ERMP1: variants seen among roughly 807,000 people sequenced by gnomAD.
The protein encoded by ERMP1 is Felix-ina.
In ERMP1, 86 loss-of-function variants were observed where a neutral mutation model predicts 92.0. The observed-to-expected ratio is 0.93, with a 90% confidence interval of 0.79 to 1.12. The LOEUF is 1.12. ERMP1 is among the 50% of genes most tolerant of loss of function. The pLI is 0.00. For synonymous variants in ERMP1, 530 were observed against 412.8 expected, an observed-to-expected ratio of 1.28 and a Z score of -3.44; for missense variants, 1,342 against 1,116.3, an observed-to-expected ratio of 1.20 and a Z score of -2.88.
chr9:5,822,235 G>C (rs1023152831), intron 4 of ERMP1, among the ~76,000 whole-genome samples: 7 of 152,248 alleles, frequency 4.6e-5, no homozygotes, highest in Admixed American at 6.5e-5. Flanking sequence ...CTGGGCAACG[G>C]AGTGAGACCC....
In ERMP1 at chr9:5,785,330, T is replaced by A. The variant is rs1043811664; in HGVS notation, c.*1814A>T. ...CGGGGATAGAAAATAGGCCCATTTTTAAAATTCATTGAGAAATTATTACTT... is the reference window on the plus strand; with the variant it reads ...CGGGGATAGAAAATAGGCCCATTTTAAAAATTCATTGAGAAATTATTACTT... On this transcript the variant is annotated 3_prime_UTR_variant, in exon 15 of 15. Transcript: ENST00000339450. 3 of 152,240 alleles carry A rather than the reference T, an allele frequency of 2.0e-5. No individual in the cohort carries two copies. Among genetic ancestry groups the A allele is most frequent in the South Asian group, 2.1e-4 (1 of 4,834 alleles). The allele number at this position is 152,240 out of a possible 1,614,324, so 9.4% of individuals were successfully genotyped here.
At chr9:5,787,888 A>G (rs974803561) in intron 13 of ERMP1, among the ~76,000 whole-genome samples, 2 of 152,210 alleles carry the variant, frequency 1.3e-5, no homozygotes, top group African/African-American at 4.8e-5. Flanking sequence ...TTCTTCATTG[A>G]GGGGATTATA....
intron 4 of ERMP1, among the ~76,000 whole-genome samples, chr9:5,815,479 A>G (rs1357319245): frequency 6.7e-6 from 1 of 148,596 alleles, no homozygotes; most frequent in Non-Finnish European, 1.5e-5. Flanking sequence ...TAAAATACAT[A>G]AAGTACTGAA....
intron 5 of ERMP1, among the ~76,000 whole-genome samples, chr9:5,865,096 C>T (rs1830612393): frequency 6.6e-6 from 1 of 152,052 alleles, no homozygotes; most frequent in Non-Finnish European, 1.5e-5. Context: ...TTAAAAATTA[C>T]ACAATCATTA....
intron 5 of ERMP1, 132 bp from the exon 6 acceptor site, chr9:5,812,349 A>G (rs2034855616): frequency 1.7e-6 from 1 of 596,370 alleles, no homozygotes; most frequent in Non-Finnish European, 2.9e-6. Context: ...TCACATTTAC[A>G]AACGACTGAT....
chr9:5,831,757 CG>C (rs985458259), intron 1 of ERMP1, among the ~76,000 whole-genome samples: 2 of 152,062 alleles, frequency 1.3e-5, no homozygotes, highest in Non-Finnish European at 2.9e-5. Context: ...ATAAGGCGGG[CG>C]GGGGAAACTT....
intron 13 of ERMP1, among the ~76,000 whole-genome samples, chr9:5,791,009 G>A (rs771036892): frequency 4.6e-5 from 7 of 152,098 alleles, no homozygotes; most frequent in African/African-American, 1.7e-4. Context: ...AAGTAGGCAA[G>A]GGGAAAAGTG....
intron 13 of ERMP1, chr9:5,791,288 G>GA (rs747255775): frequency 2.2e-6 from 1 of 456,602 alleles, no homozygotes; most frequent in South Asian, 1.5e-5. Context: ...GCAGGCTGAA[G>GA]AAAAAAGTCA....
At chr9:5,836,752 G>C (rs192755606), upstream of ERMP1, among the ~76,000 whole-genome samples, 52 of 152,298 alleles carry the variant, frequency 3.4e-4, no homozygotes, top group South Asian at 1.7e-3. Flanking sequence ...TGGTGACAAT[G>C]GTCAGCTCCA....
In ERMP1 at chr9:5,805,810, T is replaced by C. The variant is rs148779177; in HGVS notation, c.1549-25A>G. On this transcript the variant is annotated intron_variant, in intron 8 of 14. Transcript: ENST00000339450. ...TCTGAAAGAAAGAAAAATATACAAG[T>C]AGTCTCATTCAGGGGTCATGCATAA... 28 of 1,562,716 alleles carry C rather than the reference T, an allele frequency of 1.8e-5. 1 individual carries two copies. In the Middle Eastern group the frequency reaches 8.6e-4, roughly 48 times the overall value.
upstream of ERMP1, among the ~76,000 whole-genome samples, chr9:5,835,686 C>T (rs1830088454): frequency 6.6e-6 from 1 of 152,162 alleles, no homozygotes; most frequent in Admixed American, 6.5e-5. Flanking sequence ...CAAGGAAGGC[C>T]TCCTGGCCCT....
At chr9:5,866,881 C>G (rs755919806) in intron 5 of ERMP1, among the ~76,000 whole-genome samples, 1 of 152,058 alleles carries the variant, frequency 6.6e-6, no homozygotes. Context: ...CCTCATTGGC[C>G]TCATCTGTAA....
chr9:5,808,667 A>C (rs1828962355), intron 8 of ERMP1, among the ~76,000 whole-genome samples: 1 of 152,234 alleles, frequency 6.6e-6, no homozygotes, highest in Admixed American at 6.5e-5. Flanking sequence ...TAATTCACAT[A>C]AACAATCTGA....
In ERMP1 at chr9:5,786,988, T is replaced by G; in HGVS notation, c.*156A>C. On this transcript the variant is annotated 3_prime_UTR_variant, in exon 15 of 15. Transcript: ENST00000339450. The stretch of plus-strand genomic sequence containing the variant: ...TCACTGCGCCACAGCTAAACCCTTA[T>G]AGTGCTTGGCCCTGAAAAGCGTTAA... The G allele has an allele frequency of 1.4e-6, 1 of 705,388 alleles. No homozygotes were observed. The highest frequency in any genetic ancestry group is 2.0e-5 in the South Asian group (1 of 51,172). 43.7% of individuals were successfully genotyped at this position (705,388 alleles called of 1,614,324 possible). A position where few individuals can be genotyped will look rare whatever the true frequency, so the allele number is the denominator to read the frequency against.
chr9:5,793,846 G>C (rs913416765), intron 13 of ERMP1, among the ~76,000 whole-genome samples: 1 of 152,084 alleles, frequency 6.6e-6, no homozygotes, highest in East Asian at 1.9e-4. Flanking sequence ...TACAGTCAGA[G>C]ACTTCAACAC....
intron 5 of ERMP1, among the ~76,000 whole-genome samples, chr9:5,865,385 G>A (rs757921216): frequency 1.3e-5 from 2 of 152,038 alleles, no homozygotes; most frequent in Non-Finnish European, 2.9e-5. Context: ...GCAGGCGCCT[G>A]TAGTCCCAGC....
upstream of ERMP1, among the ~76,000 whole-genome samples, chr9:5,838,085 G>A (rs1004931135): frequency 1.3e-5 from 2 of 151,904 alleles, no homozygotes; most frequent in South Asian, 2.1e-4. Context: ...ATTATAGAAC[G>A]AGACTGTGTC....
Position 5,801,220 on chromosome 9 carries a change from T to C in ERMP1, c.2023A>G (p.Ser675Gly), listed in dbSNP as rs774087864. 1 of 1,613,884 alleles carries C rather than the reference T, an allele frequency of 6.2e-7. No individual in the cohort carries two copies. Among genetic ancestry groups the C allele is most frequent in the South Asian group, 1.1e-5 (1 of 91,026 alleles). The change falls in exon 11 of 15, where the codon AGC (serine) becomes GGC (glycine). Residue 675 changes from serine to glycine, a missense_variant. Transcript: ENST00000339450. Reference sequence around the variant, plus strand: ...GGCTTCGGATTAGCAGGATTGGAGCTATATGGAAAAAATGTTCCACTGCAA... The same window carrying C: ...GGCTTCGGATTAGCAGGATTGGAGCCATATGGAAAAAATGTTCCACTGCAA... ...LVCSGTFFPY[S>G]SNPANPKPKR...
rs1827862190 is a variant in ERMP1 at position 5,784,652 on chromosome 9, G to GACAA, written c.*2488_*2491dup. ...GTCAGCAAACCAGTGACAAGAAATT[G>GACAA]ACAAACACTCCTTCTACAGCTTCCT... On this transcript the variant is annotated 3_prime_UTR_variant, in exon 15 of 15. Coordinates refer to ENST00000339450, the MANE Select transcript of ERMP1 (RefSeq NM_024896.3). The GACAA allele has an allele frequency of 6.6e-6, 1 of 152,626 alleles. No individual in the cohort carries two copies. The highest frequency in any genetic ancestry group is 6.5e-5 in the Admixed American group (1 of 15,280). 9.5% of individuals were successfully genotyped at this position (152,626 alleles called of 1,614,324 possible).
Sources: gnomAD v4.1 joint callset for allele counts (sites outside exome capture counted in the v4.1 genomes callset) on GRCh38, gnomAD v4.1.1 for gene constraint, MANE v1.5 for transcripts, NCBI Gene and HGNC (gene_info 2026-07-23, HGNC 2026-07-21) for gene names.